The following RALYL variants were observed in gnomAD, a reference collection of about 807,000 sequenced individuals.
RALYL encodes the protein RALY RNA binding protein like.
A neutral mutation model predicts 35.1 loss-of-function variants in RALYL; 29 were observed. The ratio of observed to expected loss-of-function variants is 0.83; its 90% confidence interval spans 0.61 to 1.13. The LOEUF is 1.13. Among genes scored for constraint, RALYL ranks in the 50% most tolerant of loss-of-function variants. The pLI, the probability that RALYL is intolerant of heterozygous loss-of-function variation, is 0.00. For synonymous variants in RALYL, 120 were observed against 127.6 expected, an observed-to-expected ratio of 0.94 and a Z score of 0.40; for missense variants, 359 against 360.4, an observed-to-expected ratio of 1.00 and a Z score of 0.03.
At chr8:84,883,600 C>T (rs1842505735) in intron 7 of RALYL, among the ~76,000 whole-genome samples, 1 of 152,058 alleles carries the variant, frequency 6.6e-6, no homozygotes, top group Admixed American at 6.6e-5. Context: ...ATTCAATTAT[C>T]TCCCACTGGG....
At chr8:84,184,740 T>C in intron 1 of RALYL, 1 of 336,824 alleles carries the variant, frequency 3.0e-6, no homozygotes, top group East Asian at 4.9e-5. Context: ...GGCCGGGCAC[T>C]AGGCGGCCGG....
intron 1 of RALYL, among the ~76,000 whole-genome samples, chr8:84,502,980 A>T (rs574953006): frequency 6.6e-6 from 1 of 152,098 alleles, no homozygotes; most frequent in Non-Finnish European, 1.5e-5. Context: ...AGGTTTTGAA[A>T]GGAAAAATAC....
intron 1 of RALYL, among the ~76,000 whole-genome samples, chr8:84,362,840 T>TA (rs936810714): frequency 2.6e-5 from 4 of 152,090 alleles, no homozygotes; most frequent in East Asian, 1.9e-4. Context: ...CTTTCTTATT[T>TA]AAAAAAATTA....
rs917035289 is a variant in RALYL at position 84,235,602 on chromosome 8, G to A, written c.-24+51178G>A. Among the ~76,000 whole-genome samples, 3 of 152,108 alleles carry A rather than the reference G, an allele frequency of 2.0e-5. No individual in the cohort carries two copies. In the East Asian group the frequency reaches 5.8e-4, roughly 29 times the overall value. On this transcript the variant is annotated intron_variant, in intron 1 of 8. Coordinates refer to ENST00000521268, the MANE Select transcript of RALYL (RefSeq NM_173848.7). ...AGAAGAAATCCAGAATTGGAATCTT[G>A]AATATTAACAGTTTACCTTAGCAGA...
At chr8:84,743,910 C>T (rs1807990090) in intron 2 of RALYL, among the ~76,000 whole-genome samples, 1 of 151,808 alleles carries the variant, frequency 6.6e-6, no homozygotes, top group African/African-American at 2.4e-5. Context: ...AGACAGAAAG[C>T]AGAATGCTGG....
intron 2 of RALYL, among the ~76,000 whole-genome samples, chr8:84,727,707 G>C (rs1300623672): frequency 2.7e-5 from 4 of 146,524 alleles, no homozygotes; most frequent in Non-Finnish European, 5.9e-5. Flanking sequence ...CCACCTATGA[G>C]TGAGAATATG....
At chr8:84,491,665 A>G (rs1198746142) in intron 1 of RALYL, among the ~76,000 whole-genome samples, 1 of 152,046 alleles carries the variant, frequency 6.6e-6, no homozygotes. Context: ...GAAAAAATAA[A>G]CAAACAAACA....
intron 7 of RALYL, among the ~76,000 whole-genome samples, chr8:84,875,599 T>C (rs1840990545): frequency 6.6e-6 from 1 of 152,152 alleles, no homozygotes; most frequent in Non-Finnish European, 1.5e-5. Context: ...AAAATGAATT[T>C]GTAACTCCAT....
At chr8:84,605,307 A>G (rs1322615899) in intron 2 of RALYL, among the ~76,000 whole-genome samples, 1 of 152,118 alleles carries the variant, frequency 6.6e-6, no homozygotes, top group East Asian at 1.9e-4. Context: ...ATCAAAGAAC[A>G]TCGTCTTTTT....
At chr8:84,401,842 T>C (rs559740590) in intron 1 of RALYL, among the ~76,000 whole-genome samples, 1 of 151,464 alleles carries the variant, frequency 6.6e-6, no homozygotes, top group African/African-American at 2.4e-5. Flanking sequence ...TTTTTTCTGA[T>C]AAGGACTTTA....
rs143936722 is a variant in RALYL, at chr8:84,369,302, G to GTATTTATTTATT, written c.-23-159974_-23-159963dup. 3.6e-3 allele frequency among the ~76,000 whole-genome samples: 538 copies of GTATTTATTTATT among 151,220 alleles called. 4 individuals carry two copies. The highest frequency in any genetic ancestry group is 0.012 in the African/African-American group (484 of 41,168). ...TTAACAATTACAGTGGAAAAAACTA[G>GTATTTATTTATT]TATTTATTTATTTATTTATTTATTT... On this transcript the variant is annotated intron_variant, in intron 1 of 8. Coordinates refer to ENST00000521268, the MANE Select transcript of RALYL (RefSeq NM_173848.7).
At chr8:84,408,809 G>A (rs1166742248) in intron 1 of RALYL, among the ~76,000 whole-genome samples, 1 of 151,918 alleles carries the variant, frequency 6.6e-6, no homozygotes, top group Admixed American at 6.6e-5. Context: ...GAACATACTA[G>A]CACTAAAATA....
chr8:84,904,870 C>T (rs368557669), intron 8 of RALYL, among the ~76,000 whole-genome samples: 1 of 151,930 alleles, frequency 6.6e-6, no homozygotes, highest in South Asian at 2.1e-4. Context: ...GGTGCATATT[C>T]CACCCAATTT....
chr8:84,283,484 A>G (rs1837010220), intron 1 of RALYL, among the ~76,000 whole-genome samples: 1 of 152,114 alleles, frequency 6.6e-6, no homozygotes, highest in South Asian at 2.1e-4. Context: ...TGCTGGTTTT[A>G]GGCTATAATC....
At chr8:84,769,912 A>G (rs574374679) in intron 2 of RALYL, among the ~76,000 whole-genome samples, 1 of 152,310 alleles carries the variant, frequency 6.6e-6, no homozygotes, top group African/African-American at 2.4e-5. Flanking sequence ...CCATGCTCTT[A>G]CCACCCAATT....
intron 1 of RALYL, among the ~76,000 whole-genome samples, chr8:84,353,426 G>A (rs1462208358): frequency 6.7e-6 from 1 of 150,274 alleles, no homozygotes; most frequent in Non-Finnish European, 1.5e-5. Flanking sequence ...AATATTCCCA[G>A]TGCATCTCTT....
chr8:84,609,729 C>T lies in RALYL; in HGVS notation c.256+80152C>T, dbSNP rs141233843. Among the ~76,000 whole-genome samples the T allele has an allele frequency of 1.1e-4, 16 of 152,150 alleles. 1 individual carries two copies. The South Asian group carries it at 1.7e-3, about 16-fold the overall frequency. ...ATCTTATATTAGCACAATGTATTTCCGGTAATTATTGAACCAATGTTGATG... is the reference window on the plus strand; with the variant it reads ...ATCTTATATTAGCACAATGTATTTCTGGTAATTATTGAACCAATGTTGATG... On this transcript the variant is annotated intron_variant, in intron 2 of 8. Transcript: ENST00000521268.
chr8:84,841,013 A>C (rs1307673740), intron 4 of RALYL, among the ~76,000 whole-genome samples: 1 of 152,120 alleles, frequency 6.6e-6, no homozygotes, highest in African/African-American at 2.4e-5. Context: ...CTGCAAAAAC[A>C]TGTCAAATTG....
intron 1 of RALYL, among the ~76,000 whole-genome samples, chr8:84,347,164 G>A (rs1296537576): frequency 2.0e-5 from 3 of 151,944 alleles, no homozygotes; most frequent in Non-Finnish European, 4.4e-5. Flanking sequence ...TCATGCCACT[G>A]CACTCCAGCC....
Sources: allele counts gnomAD v4.1 joint callset (sites outside exome capture counted in the v4.1 genomes callset), GRCh38; gene constraint gnomAD v4.1.1; transcripts MANE v1.5; gene names NCBI Gene and HGNC (gene_info 2026-07-23, HGNC 2026-07-21).